Variants in ARHGAP44 observed in about 807,000 individuals in gnomAD.
ARHGAP44 encodes Rho GTPase activating protein 44.
In ARHGAP44, 43 loss-of-function variants were observed where a neutral mutation model predicts 106.8. The ratio of observed to expected loss-of-function variants is 0.40; its 90% CI spans 0.32 to 0.52. The LOEUF (loss-of-function observed/expected upper bound fraction) is 0.52. ARHGAP44 is among the 20% of genes least tolerant of loss of function. ARHGAP44 has a pLI of 0.48. For synonymous variants in ARHGAP44, 439 were observed against 410.3 expected (o/e 1.07, Z -0.85); for missense variants, 866 against 1,050.5 (o/e 0.82, Z 2.43).
At position 12,816,147 on chromosome 17, in the gene ARHGAP44, A is replaced by G. The variant is rs142562520; in HGVS notation, c.53+26256A>G. 1.6e-3 allele frequency among the ~76,000 whole-genome samples: 241 copies of G among 152,286 alleles called. 1 individual carries two copies. Among genetic ancestry groups the G allele is most frequent in the African/African-American group, 5.4e-3 (224 of 41,572 alleles). ...GTGGATTGAAAAAGGGGAGCCTGCC[A>G]TGAAGGAAGCCAACAAAGAAAATGT... is the stretch of plus-strand genomic sequence containing the variant. On this transcript the variant is annotated intron_variant, in intron 1 of 20. Coordinates refer to ENST00000379672, the MANE Select transcript of ARHGAP44 (RefSeq NM_014859.6).
Position 12,955,962 on chromosome 17 carries a change from T to G in ARHGAP44, c.1232T>G (p.Leu411Arg). Residue 411 changes from leucine (L) to arginine (R), a missense_variant, in exon 14 of 21, where the codon CTA becomes CGA. Transcript: ENST00000379672. ...GCAATTGTTTTAGGACCCAACCTCC[T>G]ATGGCCACAAGCAGAAGGGTAAGTA... Reference protein sequence around the residue: ...NMAIVLGPNLLWPQAEGNITE... With the variant: ...NMAIVLGPNLRWPQAEGNITE... 1 of 1,612,654 alleles carries G rather than the reference T, an allele frequency of 6.2e-7. No homozygotes were observed. The highest frequency in any genetic ancestry group is 8.5e-7 in the Non-Finnish European group (1 of 1,179,104).
intron 1 of ARHGAP44, among the ~76,000 whole-genome samples, chr17:12,851,169 T>C (rs2150847847): frequency 6.6e-6 from 1 of 152,370 alleles, no homozygotes; most frequent in East Asian, 1.9e-4. Context: ...CTGTCAGCCA[T>C]GTGGCCTGCC....
At chr17:12,855,304 T>G (rs994315958) in intron 1 of ARHGAP44, among the ~76,000 whole-genome samples, 4 of 152,160 alleles carry the variant, frequency 2.6e-5, no homozygotes, top group African/African-American at 9.7e-5. Flanking sequence ...AAAGAGAAAT[T>G]AGTCCTTTGT....
At chr17:12,982,272 C>T (rs2039852413) in intron 19 of ARHGAP44, among the ~76,000 whole-genome samples, 1 of 152,118 alleles carries the variant, frequency 6.6e-6, no homozygotes, top group South Asian at 2.1e-4. Flanking sequence ...TTCTTCTCTA[C>T]TCCCCATCAT....
At chr17:12,805,369 G>A (rs1441454779) in intron 1 of ARHGAP44, among the ~76,000 whole-genome samples, 3 of 152,310 alleles carry the variant, frequency 2.0e-5, no homozygotes, top group Middle Eastern at 6.8e-3. Context: ...TTTATCAAGA[G>A]TGTGAAGAAG....
chr17:12,954,528 G>T (rs2039079751), intron 13 of ARHGAP44, among the ~76,000 whole-genome samples: 1 of 152,186 alleles, frequency 6.6e-6, no homozygotes, highest in South Asian at 2.1e-4. Flanking sequence ...GAGAGGCCGT[G>T]CGTGGAGTTG....
At chr17:12,790,078 T>G in intron 1 of ARHGAP44, 187 bp downstream of exon 1, 1 of 517,416 alleles carries the variant, frequency 1.9e-6, no homozygotes, top group Non-Finnish European at 3.3e-6. Context: ...CCCGGAGCTC[T>G]TCTCACTCGC....
intron 1 of ARHGAP44, among the ~76,000 whole-genome samples, chr17:12,839,325 G>A (rs2035328620): frequency 6.6e-6 from 1 of 152,180 alleles, no homozygotes; most frequent in Admixed American, 6.5e-5. Flanking sequence ...GCTCTTCCAA[G>A]GGAAACTTCT....
chr17:12,861,135 C>T (rs1441821180), intron 1 of ARHGAP44, among the ~76,000 whole-genome samples: 4 of 152,062 alleles, frequency 2.6e-5, no homozygotes, highest in African/African-American at 4.8e-5. Flanking sequence ...GGGTTACAGG[C>T]GTGAGCCACT....
chr17:12,918,641 T>C (rs2037985790), intron 5 of ARHGAP44, among the ~76,000 whole-genome samples: 1 of 152,220 alleles, frequency 6.6e-6, no homozygotes, highest in Admixed American at 6.5e-5. Flanking sequence ...AAACATTTGC[T>C]TCCTTTCTTT....
intron 8 of ARHGAP44, among the ~76,000 whole-genome samples, chr17:12,941,614 C>A (rs1262854927): frequency 6.6e-6 from 1 of 152,120 alleles, no homozygotes; most frequent in Non-Finnish European, 1.5e-5. Context: ...CAATTCCTTC[C>A]CCCTGCACAT....
At chr17:12,917,014 C>G (rs867378068) in intron 5 of ARHGAP44, among the ~76,000 whole-genome samples, 3 of 152,084 alleles carry the variant, frequency 2.0e-5, no homozygotes, top group Admixed American at 6.6e-5. Flanking sequence ...GATGCTCAAC[C>G]GGTAAATATG....
intron 4 of ARHGAP44, among the ~76,000 whole-genome samples, chr17:12,913,894 G>A (rs138148071): frequency 6.2e-4 from 93 of 150,836 alleles, no homozygotes; most frequent in Non-Finnish European, 1.2e-3. Context: ...GCTTGCACCC[G>A]GGAGGTGGAG....
chr17:12,901,556 T>C (rs944464188), intron 3 of ARHGAP44, among the ~76,000 whole-genome samples: 1 of 151,998 alleles, frequency 6.6e-6, no homozygotes, highest in Non-Finnish European at 1.5e-5. Context: ...TGGTAGATCC[T>C]GGAGGGAGAG....
chr17:12,980,004 C>G (rs1805133410), intron 18 of ARHGAP44, 54 bp from the exon 19 acceptor site: 1 of 1,517,392 alleles, frequency 6.6e-7, no homozygotes. Context: ...AAGGCTGGTG[C>G]TGCCGCTCAC....
intron 1 of ARHGAP44, among the ~76,000 whole-genome samples, chr17:12,811,563 C>T (rs1251351544): frequency 6.6e-6 from 1 of 152,084 alleles, no homozygotes; most frequent in Non-Finnish European, 1.5e-5. Flanking sequence ...ATAAGTGGAC[C>T]TGCACAGTTC....
At position 12,949,280 on chromosome 17, in the gene ARHGAP44, C is replaced by CA; in HGVS notation, c.973+30dup. On this transcript the variant is annotated intron_variant, in intron 11 of 20. Coordinates refer to ENST00000379672, the MANE Select transcript of ARHGAP44 (RefSeq NM_014859.6). This position sits in a 1 kb window ranked among gnomAD's most constrained non-coding sequence, Gnocchi z 4.1. ...GGCACCTCTCAGCGCTCCTGTGTGC[C>CA]ATGGAGGCTCACAGGGAAGGGGTAG... 1 of 1,544,226 alleles carries CA rather than the reference C, an allele frequency of 6.5e-7. No homozygotes were observed. Among genetic ancestry groups the CA allele is most frequent in the Non-Finnish European group, 8.8e-7 (1 of 1,142,406 alleles).
chr17:12,789,718 G>GC lies in ARHGAP44; in HGVS notation c.-120dup. Reference sequence around the variant, plus strand: ...CGCGCGGGCCAGACGGCGCCCGGAGGCTCCGCAGTGCCGCCGCCGTCGCCC... The same window carrying GC: ...CGCGCGGGCCAGACGGCGCCCGGAGGCCTCCGCAGTGCCGCCGCCGTCGCCC... On this transcript the variant is annotated 5_prime_UTR_variant, in exon 1 of 21. Transcript: ENST00000379672. 1.1e-6 allele frequency: 1 copy of GC among 886,704 alleles called. No homozygotes were observed. The highest frequency in any genetic ancestry group is 1.5e-6 in the Non-Finnish European group (1 of 652,134). The allele number at this position is 886,704 out of a possible 1,614,324, so 54.9% of individuals were successfully genotyped here.
chr17:12,805,682 A>G (rs958150317), intron 1 of ARHGAP44, among the ~76,000 whole-genome samples: 9 of 152,204 alleles, frequency 5.9e-5, no homozygotes, highest in African/African-American at 1.7e-4. Context: ...TTAAACAGAT[A>G]TTTACCGACC....
Sources: gnomAD v4.1 joint callset for allele counts (sites outside exome capture counted in the v4.1 genomes callset) on GRCh38, gnomAD v4.1.1 for gene constraint, Gnocchi (gnomAD v3.1) non-coding constraint, MANE v1.5 for transcripts, NCBI Gene and HGNC (gene_info 2026-07-23, HGNC 2026-07-21) for gene names.